The following WASHC4 variants were observed in gnomAD, a reference collection of about 807,000 sequenced individuals.
WASHC4 encodes WASH complex subunit 4, also known as WASH complex subunit 7.
WASHC4 carries 86 observed loss-of-function variants against 166.6 expected under a neutral mutation model. That is an observed-to-expected ratio of 0.52 (90% CI 0.43 to 0.62). The LOEUF is 0.62. Ranked by LOEUF, WASHC4 falls within the 20% of genes least tolerant of loss-of-function variation. The pLI is 0.00. For missense variants in WASHC4, 1,262 were observed against 1,382.4 expected, an observed-to-expected ratio of 0.91 and a Z score of 1.38; for synonymous variants, 446 against 451.6, an observed-to-expected ratio of 0.99 and a Z score of 0.16.
intron 6 of WASHC4, among the ~76,000 whole-genome samples, chr12:105,116,107 G>T (rs1438144378): frequency 6.6e-6 from 1 of 152,096 alleles, no homozygotes; most frequent in Non-Finnish European, 1.5e-5. Flanking sequence ...AGCCCTCCAT[G>T]CTTCTAACAG....
At chr12:105,147,266 C>T in intron 24 of WASHC4, 120 bp downstream of exon 24, 1 of 703,708 alleles carries the variant, frequency 1.4e-6, no homozygotes, top group Non-Finnish European at 2.5e-6. Flanking sequence ...ACATGAATTT[C>T]CATTTTTTTT....
intron 13 of WASHC4, among the ~76,000 whole-genome samples, chr12:105,132,474 A>G (rs964713501): frequency 9.9e-5 from 15 of 152,192 alleles, no homozygotes; most frequent in African/African-American, 3.6e-4. Flanking sequence ...GCCCGGCCAC[A>G]TACTAAGTTT....
intron 29 of WASHC4, among the ~76,000 whole-genome samples, chr12:105,160,428 GC>G (rs1205833747): frequency 6.6e-6 from 1 of 152,132 alleles, no homozygotes; most frequent in East Asian, 1.9e-4. Flanking sequence ...GCTTACTCAG[GC>G]TTGACCTCCT....
At chr12:105,131,361 C>G (rs1244116534) in intron 13 of WASHC4, among the ~76,000 whole-genome samples, 1 of 152,126 alleles carries the variant, frequency 6.6e-6, no homozygotes, top group Non-Finnish European at 1.5e-5. Flanking sequence ...GCTGGGATTA[C>G]AGGCGTGAGC....
intron 28 of WASHC4, 75 bp from the exon 29 acceptor site, chr12:105,159,926 A>G: frequency 7.4e-7 from 1 of 1,350,278 alleles, no homozygotes; most frequent in Non-Finnish European, 1.1e-6. Context: ...TTCTTATCTA[A>G]ACTATTGAGA....
chr12:105,119,899 G>T (rs1260564378), intron 7 of WASHC4, among the ~76,000 whole-genome samples: 1 of 152,180 alleles, frequency 6.6e-6, no homozygotes, highest in African/African-American at 2.4e-5. Context: ...GTAGGGATGA[G>T]AACTCAAACC....
chr12:105,147,543 A>G, intron 24 of WASHC4: 1 of 965,036 alleles, frequency 1.0e-6, no homozygotes, highest in Middle Eastern at 3.5e-4. Flanking sequence ...TTTTTGGGGC[A>G]GGGTTTGCTA....
At chr12:105,108,527 A>G (rs1024627785) in intron 1 of WASHC4, among the ~76,000 whole-genome samples, 1 of 152,192 alleles carries the variant, frequency 6.6e-6, no homozygotes, top group Non-Finnish European at 1.5e-5. Context: ...CAAATCTTCA[A>G]ATTTTGCTTC....
chr12:105,149,671 G>A lies in WASHC4; in HGVS notation c.2571G>A (p.Met857Ile), dbSNP rs755873861. 53 of 1,566,242 alleles carry A rather than the reference G, an allele frequency of 3.4e-5. No individual in the cohort carries two copies. Among genetic ancestry groups the A allele is most frequent in the South Asian group, 3.2e-4 (28 of 88,376 alleles). The change falls in exon 25 of 33, where the codon ATG (methionine) becomes ATA (isoleucine). Residue 857 changes from methionine to isoleucine, a missense_variant. Met to Ile is a conservative substitution (Grantham distance 10, BLOSUM62 1). Coordinates refer to ENST00000332180, the MANE Select transcript of WASHC4 (RefSeq NM_015275.3). Reference sequence around the variant, plus strand: ...AGTTCTATATATTTAGCCAATTTATGTATGATGAACACATCAAATCCAGAT... The same window carrying A: ...AGTTCTATATATTTAGCCAATTTATATATGATGAACACATCAAATCCAGAT... ...KKKFYIFSQFMYDEHIKSRLI... is the reference protein window; with the variant it reads ...KKKFYIFSQFIYDEHIKSRLI...
At chr12:105,148,591 CTGTT>C (rs1883497768) in intron 24 of WASHC4, 1 of 984,794 alleles carries the variant, frequency 1.0e-6, no homozygotes, top group South Asian at 4.7e-5. Context: ...AAACAAAAGA[CTGTT>C]AAAGAGATTT....
intron 6 of WASHC4, among the ~76,000 whole-genome samples, chr12:105,116,998 A>G (rs1880245929): frequency 6.6e-6 from 1 of 152,188 alleles, no homozygotes; most frequent in Non-Finnish European, 1.5e-5. Flanking sequence ...GTAGTTGGTA[A>G]GGTCCCAGTA....
At chr12:105,133,161 C>T (rs1285638701) in intron 13 of WASHC4, among the ~76,000 whole-genome samples, 1 of 152,146 alleles carries the variant, frequency 6.6e-6, no homozygotes, top group East Asian at 1.9e-4. Context: ...CACTCCCTCC[C>T]TCTGTATCTC....
chr12:105,112,858 A>G (rs558423661), intron 2 of WASHC4, among the ~76,000 whole-genome samples: 3 of 152,206 alleles, frequency 2.0e-5, no homozygotes, highest in Non-Finnish European at 2.9e-5. Flanking sequence ...AAACTAAGGC[A>G]TAGAAAAGTT....
chr12:105,120,705 CGTGTGTGTGT>C, intron 8 of WASHC4, 108 bp downstream of exon 8: 1 of 698,410 alleles, frequency 1.4e-6, no homozygotes, highest in Admixed American at 2.1e-5. Flanking sequence ...CTTAAAGAGG[CGTGTGTGTGT>C]GTGTGTGTTT....
intron 6 of WASHC4, 119 bp from the exon 7 acceptor site, chr12:105,118,327 A>G: frequency 2.6e-6 from 2 of 762,152 alleles, no homozygotes; most frequent in South Asian, 2.9e-5. Flanking sequence ...CTTTTGGTTA[A>G]CTGGAGGCTT....
chr12:105,153,842 C>A lies in WASHC4; in HGVS notation c.2758+1391C>A, dbSNP rs1883950949. 3.3e-5 allele frequency among the ~76,000 whole-genome samples: 5 copies of A among 152,138 alleles called. No homozygotes were observed. In the East Asian group the frequency reaches 9.6e-4, roughly 29 times the overall value. ...GAGTATAATTTTTCCTTAGAAATAA[C>A]AGTTGTTAAATCATAGTCCTTAAAA... On this transcript the variant is annotated intron_variant, in intron 26 of 32. Coordinates refer to ENST00000332180, the MANE Select transcript of WASHC4 (RefSeq NM_015275.3).
intron 24 of WASHC4, chr12:105,149,337 A>AC (rs1883551581): frequency 9.8e-7 from 1 of 1,022,018 alleles, no homozygotes. Context: ...GATTCTCACT[A>AC]CAGCCCTTAG....
chr12:105,115,879 C>G (rs894062836), intron 6 of WASHC4, 151 bp downstream of exon 6: 2 of 628,336 alleles, frequency 3.2e-6, no homozygotes, highest in Non-Finnish European at 5.7e-6. Flanking sequence ...TTTAGGAGAT[C>G]ATAACTCCTA....
At position 105,156,805 on chromosome 12, in the gene WASHC4, A is replaced by C. The variant is rs1057030116; in HGVS notation, c.2825+13A>C. ...GCAATGCCATTAGGTATGGATGCAAACATCATTTTTGCCTTGTTTATGCCA... is the reference window on the plus strand; with the variant it reads ...GCAATGCCATTAGGTATGGATGCAACCATCATTTTTGCCTTGTTTATGCCA... On this transcript the variant is annotated intron_variant, in intron 27 of 32. Coordinates refer to ENST00000332180, the MANE Select transcript of WASHC4 (RefSeq NM_015275.3). 1.2e-6 allele frequency: 2 copies of C among 1,605,940 alleles called. No individual in the cohort carries two copies. The highest frequency in any genetic ancestry group is 1.7e-6 in the Non-Finnish European group (2 of 1,173,340).
Sources: gnomAD v4.1 joint callset for allele counts (sites outside exome capture counted in the v4.1 genomes callset) on GRCh38, gnomAD v4.1.1 for gene constraint, MANE v1.5 for transcripts, NCBI Gene and HGNC (gene_info 2026-07-23, HGNC 2026-07-21) for gene names.